IL27: variants seen among roughly 807,000 people sequenced by gnomAD.
The protein encoded by IL27 is interleukin 27, also known as interleukin-27 subunit alpha.
IL27 carries 11 observed loss-of-function variants against 27.0 expected under a neutral mutation model. The observed-to-expected ratio is 0.41, with a 90% confidence interval of 0.26 to 0.67. The LOEUF (loss-of-function observed/expected upper bound fraction) is 0.67. Ranked by LOEUF, IL27 falls within the 30% of genes least tolerant of loss-of-function variation. The pLI, the probability that IL27 is intolerant of heterozygous loss-of-function variation, is 0.34. For missense variants in IL27, 299 were observed against 310.4 expected (o/e 0.96, Z 0.28); for synonymous variants, 134 against 140.6 (o/e 0.95, Z 0.33).
chr16:28,502,820 T>A (rs2046440236), intron 3 of IL27, among the ~76,000 whole-genome samples: 1 of 152,094 alleles, frequency 6.6e-6, no homozygotes, highest in African/African-American at 2.4e-5. Flanking sequence ...TCCAGCTTCA[T>A]CTTTATTGTT....
intron 1 of IL27, among the ~76,000 whole-genome samples, chr16:28,505,128 C>T (rs1322077203): frequency 6.6e-6 from 1 of 152,212 alleles, no homozygotes; most frequent in Non-Finnish European, 1.5e-5. Context: ...CAGCCATCTG[C>T]CCCAGGAGTG....
At chr16:28,500,022 CACAA>C in intron 4 of IL27, 102 bp from the exon 5 acceptor site, 2 of 1,397,122 alleles carry the variant, frequency 1.4e-6, no homozygotes, top group Non-Finnish European at 1.9e-6. Flanking sequence ...CATCAGTGAC[CACAA>C]GGTCATGATT....
chr16:28,506,588 G>A (rs1244152945), intron 1 of IL27, among the ~76,000 whole-genome samples, 193 bp downstream of exon 1: 1 of 151,940 alleles, frequency 6.6e-6, no homozygotes, highest in African/African-American at 2.4e-5. Context: ...CCAGCCCTGG[G>A]TCAGACCACC....
At chr16:28,501,318 A>T (rs1007695436) in intron 4 of IL27, among the ~76,000 whole-genome samples, 8 of 151,284 alleles carry the variant, frequency 5.3e-5, no homozygotes, top group African/African-American at 1.9e-4. Context: ...TCACATTCAC[A>T]CACCCACCCA....
At position 28,499,839 on chromosome 16, in the gene IL27, G is replaced by A. The variant is rs2046420308; in HGVS notation, c.544C>T (p.Pro182Ser). ...EEEEERKGLL[P>S]GALGSALQGP... Reference sequence around the variant, plus strand: ...TGTAAGGCGCTGCCCAGTGCCCCTGGGAGCAGCCCCTTCCTCTCCTCCTCC... The same window carrying A: ...TGTAAGGCGCTGCCCAGTGCCCCTGAGAGCAGCCCCTTCCTCTCCTCCTCC... Residue 182 changes from proline (P) to serine (S), a missense_variant, in exon 5 of 5, where the codon CCA becomes TCA. Pro to Ser is a moderately conservative substitution (Grantham distance 74). Coordinates refer to ENST00000356897, the MANE Select transcript of IL27 (RefSeq NM_145659.3). 1 of 1,571,802 alleles carries A rather than the reference G, an allele frequency of 6.4e-7. No individual in the cohort carries two copies. The highest frequency in any genetic ancestry group is 8.6e-7 in the Non-Finnish European group (1 of 1,158,970).
intron 4 of IL27, among the ~76,000 whole-genome samples, chr16:28,501,191 A>G (rs1046069866): frequency 1.4e-5 from 2 of 145,320 alleles, no homozygotes; most frequent in African/African-American, 5.2e-5. Context: ...TTAGTCTCAG[A>G]AAAAAAAAAA....
chr16:28,503,253 T>C (rs747334701), intron 3 of IL27, among the ~76,000 whole-genome samples: 1 of 152,124 alleles, frequency 6.6e-6, no homozygotes, highest in Non-Finnish European at 1.5e-5. Context: ...CCACCACGCC[T>C]GGCAGTTTAT....
In IL27 at chr16:28,503,779, C is replaced by A. The variant is rs2046446682; in HGVS notation, c.219G>T (p.Leu73=). The change falls in exon 3 of 5, where the codon CTG becomes CTT. Residue 73 remains leucine (L), a synonymous_variant. Coordinates refer to ENST00000356897, the MANE Select transcript of IL27 (RefSeq NM_145659.3). The stretch of plus-strand genomic sequence containing the variant: ...GCAGGAGGTACAGGTTCACTCCTGG[C>A]AGGTGAGATTCCGCCTGGGGGGCAA... ...GQAHRFAESH[L]PGVNLYLLPL... The A allele has an allele frequency of 1.9e-6, 3 of 1,613,540 alleles. No homozygotes were observed. Among genetic ancestry groups the A allele is most frequent in the Non-Finnish European group, 2.5e-6 (3 of 1,179,684 alleles).
chr16:28,504,475 AAAAAC>A (rs200363028), intron 1 of IL27, among the ~76,000 whole-genome samples: 61 of 151,604 alleles, frequency 4.0e-4, no homozygotes, highest in South Asian at 1.5e-3. Flanking sequence ...TCTGTCTCAA[AAAAAC>A]AAAACAAAAC....
chr16:28,501,580 C>T (rs1165730035), intron 4 of IL27, among the ~76,000 whole-genome samples: 2 of 149,928 alleles, frequency 1.3e-5, no homozygotes, highest in Non-Finnish European at 3.0e-5. Flanking sequence ...CACTCACAGT[C>T]ACACCCACAC....
Position 28,501,810 on chromosome 16 carries a change from C to T in IL27, c.462+166G>A, listed in dbSNP as rs373259735. 9.4e-4 allele frequency among the ~76,000 whole-genome samples: 143 copies of T among 151,956 alleles called. 1 individual carries two copies. The highest frequency in any genetic ancestry group is 3.2e-3 in the African/African-American group (133 of 41,476). ...AGTCACACTCACTCTCCCACACTTA[C>T]GGACCCACACAGTCACTCTCACACT... On this transcript the variant is annotated intron_variant, in intron 4 of 4. Transcript: ENST00000356897.
At chr16:28,501,678 C>T (rs2046431384) in intron 4 of IL27, among the ~76,000 whole-genome samples, 1 of 151,594 alleles carries the variant, frequency 6.6e-6, no homozygotes, top group Non-Finnish European at 1.5e-5. Flanking sequence ...CATGCTCACA[C>T]TCATACAGAC....
At chr16:28,502,655 C>T (rs1426560163) in intron 3 of IL27, among the ~76,000 whole-genome samples, 1 of 151,994 alleles carries the variant, frequency 6.6e-6, no homozygotes, top group African/African-American at 2.4e-5. Flanking sequence ...TCATCATCAC[C>T]TTCTCATCTC....
At chr16:28,502,649 C>A (rs2046439236) in intron 3 of IL27, among the ~76,000 whole-genome samples, 1 of 152,054 alleles carries the variant, frequency 6.6e-6, no homozygotes, top group African/African-American at 2.4e-5. Context: ...TCACCCTCAT[C>A]ATCACCTTCT....
At chr16:28,501,763 T>C (rs939280062) in intron 4 of IL27, among the ~76,000 whole-genome samples, 9 of 150,904 alleles carry the variant, frequency 6.0e-5, no homozygotes, top group African/African-American at 2.2e-4. Context: ...ACAGTCACAC[T>C]GTCACACTCA....
At position 28,499,552 on chromosome 16, in the gene IL27, T is replaced by TC; in HGVS notation, c.*98dup. Reference sequence around the variant, plus strand: ...CTGGGGCAGGGGGCTGGAAGAGCCCTCCCTTGTCCAAGGCTGATGATGCGA... The same window carrying TC: ...CTGGGGCAGGGGGCTGGAAGAGCCCTCCCCTTGTCCAAGGCTGATGATGCGA... On this transcript the variant is annotated 3_prime_UTR_variant, in exon 5 of 5. Transcript: ENST00000356897. 1.1e-6 allele frequency: 1 copy of TC among 926,332 alleles called. No individual in the cohort carries two copies. The highest frequency in any genetic ancestry group is 1.6e-5 in the South Asian group (1 of 60,676). 57.4% of individuals were successfully genotyped at this position (926,332 alleles called of 1,614,324 possible).
chr16:28,502,078 C>T lies in IL27; in HGVS notation c.360G>A (p.Leu120=), dbSNP rs778426740. The change falls in exon 4 of 5, where the codon CTG becomes CTA. Residue 120 remains leucine (L), a synonymous_variant. Transcript: ENST00000356897. Reference sequence around the variant, plus strand: ...AGCGGCCCTGGGTCCCCAGCCCTCCCAGCAGGGCATGGAAGGGCTGAAGCG... The same window carrying T: ...AGCGGCCCTGGGTCCCCAGCCCTCCTAGCAGGGCATGGAAGGGCTGAAGCG... ...STTLQPFHAL[L]GGLGTQGRWT... 2 of 1,613,564 alleles carry T rather than the reference C, an allele frequency of 1.2e-6. No homozygotes were observed. Among genetic ancestry groups the T allele is most frequent in the African/African-American group, 2.7e-5 (2 of 74,910 alleles).
rs142616550 is a variant in IL27 at position 28,505,957 on chromosome 16, C to T, written c.31+824G>A. Reference sequence around the variant, plus strand: ...TGCAGATGTGGTGGGCGATGCCTAACGTAAGATCTCTGGCATTCAGACTCC... The same window carrying T: ...TGCAGATGTGGTGGGCGATGCCTAATGTAAGATCTCTGGCATTCAGACTCC... On this transcript the variant is annotated intron_variant, in intron 1 of 4. Transcript: ENST00000356897. 4.6e-5 allele frequency among the ~76,000 whole-genome samples: 7 copies of T among 152,232 alleles called. No individual in the cohort carries two copies. The East Asian group carries it at 9.7e-4, about 21-fold the overall frequency.
chr16:28,501,808 T>C (rs181205), intron 4 of IL27, among the ~76,000 whole-genome samples, 168 bp downstream of exon 4: 43,838 of 135,872 alleles, frequency 0.32, 6,917 homozygotes, highest in Non-Finnish European at 0.36. Context: ...CTCCCACACT[T>C]ACGGACCCAC....
Sources: allele counts gnomAD v4.1 joint callset (sites outside exome capture counted in the v4.1 genomes callset), GRCh38; gene constraint gnomAD v4.1.1; transcripts MANE v1.5; gene names NCBI Gene and HGNC (gene_info 2026-07-23, HGNC 2026-07-21).